Variants in ADAMTSL3 observed in about 807,000 individuals in gnomAD.
ADAMTSL3 encodes the protein ADAMTS like 3.
In ADAMTSL3, 128 loss-of-function variants were observed where a neutral mutation model predicts 201.7. That is an observed-to-expected ratio of 0.63 (90% CI 0.55 to 0.73). The LOEUF (loss-of-function observed/expected upper bound fraction) is 0.73. Ranked by LOEUF, ADAMTSL3 falls within the 30% of genes least tolerant of loss-of-function variation. The pLI, the probability that ADAMTSL3 is intolerant of heterozygous loss-of-function variation, is 0.00. For synonymous variants in ADAMTSL3, 738 were observed against 748.4 expected (o/e 0.99, Z 0.23); for missense variants, 1,990 against 2,119.6 (o/e 0.94, Z 1.20).
At chr15:83,887,207 A>G (rs866327260) in intron 10 of ADAMTSL3, among the ~76,000 whole-genome samples, 3 of 152,152 alleles carry the variant, frequency 2.0e-5, no homozygotes, top group South Asian at 2.1e-4. Flanking sequence ...TCTTTAAGCC[A>G]GTGTCTTTGG....
chr15:83,871,280 A>G (rs1048540009), intron 9 of ADAMTSL3, among the ~76,000 whole-genome samples: 1 of 152,212 alleles, frequency 6.6e-6, no homozygotes, highest in Non-Finnish European at 1.5e-5. Context: ...AGGCTGCTGC[A>G]GTGGCTATTC....
chr15:83,776,687 A>T (rs990149053), intron 4 of ADAMTSL3, among the ~76,000 whole-genome samples: 3 of 152,166 alleles, frequency 2.0e-5, no homozygotes, highest in African/African-American at 7.2e-5. Context: ...ATTGCACTCC[A>T]GCCTGGGCAA....
intron 17 of ADAMTSL3, among the ~76,000 whole-genome samples, chr15:83,940,345 A>G (rs2066536551): frequency 6.6e-6 from 1 of 152,230 alleles, no homozygotes; most frequent in African/African-American, 2.4e-5. Flanking sequence ...CTTCGAAGAC[A>G]GAACTGTATT....
chr15:83,941,042 G>C (rs926468660), intron 17 of ADAMTSL3, among the ~76,000 whole-genome samples: 1 of 151,358 alleles, frequency 6.6e-6, no homozygotes, highest in Non-Finnish European at 1.5e-5. Context: ...ATATGCCAAG[G>C]GTTTAGCAAA....
In ADAMTSL3 at chr15:83,905,154, A is replaced by G. The variant is rs1013448400; in HGVS notation, c.1700+5423A>G. On this transcript the variant is annotated intron_variant, in intron 15 of 29. Transcript: ENST00000286744. Reference sequence around the variant, plus strand: ...GATTCTATGGCACGTAAGACTAGAAAGAGCTGCAGTTTCGTGTCAGATGTC... The same window carrying G: ...GATTCTATGGCACGTAAGACTAGAAGGAGCTGCAGTTTCGTGTCAGATGTC... Among the ~76,000 whole-genome samples the G allele has an allele frequency of 2.0e-5, 3 of 152,372 alleles. 1 individual carries two copies. The highest frequency in any genetic ancestry group is 1.9e-4 in the East Asian group (1 of 5,194).
intron 1 of ADAMTSL3, among the ~76,000 whole-genome samples, chr15:83,655,504 C>T (rs568123906): frequency 4.6e-5 from 7 of 152,274 alleles, no homozygotes; most frequent in African/African-American, 1.7e-4. Context: ...TATGAGATGC[C>T]CACTGGAGAC....
intron 4 of ADAMTSL3, among the ~76,000 whole-genome samples, chr15:83,780,567 C>G (rs1167128393): frequency 6.6e-6 from 1 of 152,130 alleles, no homozygotes; most frequent in Non-Finnish European, 1.5e-5. Flanking sequence ...CAAAGATGCC[C>G]TCTCTCACTA....
At chr15:83,711,210 G>A (rs560955391) in intron 3 of ADAMTSL3, among the ~76,000 whole-genome samples, 4 of 152,166 alleles carry the variant, frequency 2.6e-5, no homozygotes, top group South Asian at 2.1e-4. Flanking sequence ...AACTTCTTCC[G>A]AACTTTTCAT....
At chr15:83,730,504 G>A (rs982917392) in intron 3 of ADAMTSL3, among the ~76,000 whole-genome samples, 2 of 152,110 alleles carry the variant, frequency 1.3e-5, no homozygotes, top group East Asian at 1.9e-4. Flanking sequence ...GGTAAAAAAC[G>A]GAGGTCAGAT....
intron 3 of ADAMTSL3, among the ~76,000 whole-genome samples, chr15:83,761,697 G>A (rs902300554): frequency 3.3e-5 from 5 of 152,118 alleles, no homozygotes; most frequent in African/African-American, 1.2e-4. Context: ...TAACCCAAGA[G>A]CATAGATAAT....
chr15:83,972,475 A>G (rs2067214792), intron 20 of ADAMTSL3, among the ~76,000 whole-genome samples: 1 of 152,110 alleles, frequency 6.6e-6, no homozygotes, highest in South Asian at 2.1e-4. Flanking sequence ...CTTAGAGGAG[A>G]GTGAAATTAA....
At chr15:83,825,775 G>C (rs1436873641) in intron 6 of ADAMTSL3, among the ~76,000 whole-genome samples, 1 of 152,012 alleles carries the variant, frequency 6.6e-6, no homozygotes, top group Non-Finnish European at 1.5e-5. Context: ...GGACAGGAAT[G>C]TAACAGCAGG....
At chr15:83,871,312 A>G (rs1439631096) in intron 9 of ADAMTSL3, among the ~76,000 whole-genome samples, 2 of 152,138 alleles carry the variant, frequency 1.3e-5, no homozygotes, top group Non-Finnish European at 2.9e-5. Flanking sequence ...CATAGCCTTG[A>G]ATTCCTGGGC....
intron 16 of ADAMTSL3, among the ~76,000 whole-genome samples, chr15:83,923,500 C>G (rs1008642225): frequency 3.3e-5 from 5 of 152,164 alleles, no homozygotes; most frequent in African/African-American, 1.2e-4. Context: ...TCTTATGAAG[C>G]TGATTCAAAA....
At chr15:83,864,519 A>G (rs1165310525) in intron 8 of ADAMTSL3, among the ~76,000 whole-genome samples, 1 of 152,214 alleles carries the variant, frequency 6.6e-6, no homozygotes, top group Non-Finnish European at 1.5e-5. Context: ...AAACCACATG[A>G]TTATCTCAAT....
At chr15:83,714,410 A>G (rs953181450) in intron 3 of ADAMTSL3, among the ~76,000 whole-genome samples, 2 of 152,250 alleles carry the variant, frequency 1.3e-5, no homozygotes, top group Admixed American at 6.5e-5. Context: ...TGAAGCTTGT[A>G]TGTTTCCTTT....
Position 83,860,878 on chromosome 15 carries a change from C to G in ADAMTSL3, c.802+2038C>G, listed in dbSNP as rs138658853. On this transcript the variant is annotated intron_variant, in intron 8 of 29. Coordinates refer to ENST00000286744, the MANE Select transcript of ADAMTSL3 (RefSeq NM_207517.3). ...CAAAGCAGGGCAAGGCATCGCGTCA[C>G]CCGGGAAGCGCAATGGGTCAGGGAA... 1.7e-3 allele frequency among the ~76,000 whole-genome samples: 254 copies of G among 152,284 alleles called. 2 individuals are homozygous for G. Among genetic ancestry groups the G allele is most frequent in the African/African-American group, 5.8e-3 (241 of 41,554 alleles).
chr15:83,818,987 G>C (rs1402648533), intron 5 of ADAMTSL3, among the ~76,000 whole-genome samples: 1 of 152,064 alleles, frequency 6.6e-6, no homozygotes, highest in Admixed American at 6.6e-5. Context: ...TAAAAACAAC[G>C]ACAGGCCGGG....
intron 25 of ADAMTSL3, among the ~76,000 whole-genome samples, 176 bp downstream of exon 25, chr15:84,016,675 T>C (rs1258110064): frequency 1.3e-5 from 2 of 152,214 alleles, no homozygotes; most frequent in African/African-American, 2.4e-5. Flanking sequence ...TCTTTCCATA[T>C]TGAAACACTT....
Sources: allele counts gnomAD v4.1 joint callset (sites outside exome capture counted in the v4.1 genomes callset), GRCh38; gene constraint gnomAD v4.1.1; transcripts MANE v1.5; gene names NCBI Gene and HGNC (gene_info 2026-07-23, HGNC 2026-07-21).